DLC1: variants seen among roughly 807,000 people sequenced by gnomAD.
DLC1 encodes rho GTPase-activating protein 7.
Under a neutral mutation model 140.3 loss-of-function variants are expected in DLC1, and 54 were observed. That is an observed-to-expected ratio of 0.38 (90% CI 0.31 to 0.48). The LOEUF is 0.48. Ranked by LOEUF, DLC1 falls within the 20% of genes least tolerant of loss-of-function variation. DLC1 has a pLI of 0.96. For missense variants in DLC1, 2,536 were observed against 1,907.0 expected (o/e 1.33, Z -6.14); for synonymous variants, 986 against 728.1 (o/e 1.35, Z -5.70).
At chr8:13,442,982 A>G (rs1798595461) in intron 2 of DLC1, among the ~76,000 whole-genome samples, 1 of 152,218 alleles carries the variant, frequency 6.6e-6, no homozygotes, top group South Asian at 2.1e-4. Context: ...AGACTGGATT[A>G]AGAAAATGTG....
chr8:13,398,072 C>T (rs1332787246), intron 3 of DLC1, among the ~76,000 whole-genome samples: 6 of 151,612 alleles, frequency 4.0e-5, no homozygotes, highest in Admixed American at 1.3e-4. Flanking sequence ...CAGAGGTTGC[C>T]GTGAGCCTAG....
At chr8:13,505,559 A>T (rs1802020573) in intron 1 of DLC1, among the ~76,000 whole-genome samples, 1 of 152,206 alleles carries the variant, frequency 6.6e-6, no homozygotes, top group Non-Finnish European at 1.5e-5. Flanking sequence ...CATAAACACG[A>T]CTGCAGTTCT....
intron 2 of DLC1, among the ~76,000 whole-genome samples, chr8:13,467,235 T>C (rs7814876): frequency 0.81 from 123,422 of 152,136 alleles, 51,530 homozygotes; most frequent in Middle Eastern, 0.94. Context: ...GAGGGCTTAC[T>C]TAGTAGACAA....
intron 5 of DLC1, among the ~76,000 whole-genome samples, chr8:13,229,292 C>T (rs923188612): frequency 8.5e-5 from 13 of 152,120 alleles, no homozygotes; most frequent in Admixed American, 7.2e-4. Context: ...TACAACATTA[C>T]GAACCTTGTA....
chr8:13,579,438 TTATATTTTATATTATATATTTAATAC>T (rs1563454250), intron 1 of DLC1, among the ~76,000 whole-genome samples: 5 of 20,754 alleles, frequency 2.4e-4, no homozygotes, highest in African/African-American at 5.4e-4. Context: ...ATTTAATACA[TTATATTTTATATTATATATTTAATAC>T]ATTATATTTT....
intron 5 of DLC1, among the ~76,000 whole-genome samples, chr8:13,132,177 C>T (rs191822574): frequency 6.6e-6 from 1 of 150,642 alleles, no homozygotes; most frequent in East Asian, 2.0e-4. Flanking sequence ...CACGATTCAG[C>T]GACCCATCTC....
chr8:13,305,805 C>G (rs1832394415), intron 4 of DLC1, among the ~76,000 whole-genome samples: 2 of 152,160 alleles, frequency 1.3e-5, no homozygotes, highest in African/African-American at 4.8e-5. Context: ...GCTACAGACT[C>G]CAGCCTGGGC....
intron 5 of DLC1, among the ~76,000 whole-genome samples, chr8:13,153,346 G>A (rs1453143441): frequency 1.3e-5 from 2 of 152,208 alleles, no homozygotes; most frequent in Admixed American, 1.3e-4. Context: ...CTCTCCGTGA[G>A]TTTGCGATCT....
intron 2 of DLC1, among the ~76,000 whole-genome samples, chr8:13,408,816 T>C (rs1837671106): frequency 6.6e-6 from 1 of 152,180 alleles, no homozygotes; most frequent in African/African-American, 2.4e-5. Context: ...TTTACAATAC[T>C]TAGTAACTCT....
At chr8:13,487,880 CTT>C (rs1175816084) in intron 2 of DLC1, among the ~76,000 whole-genome samples, 3 of 152,150 alleles carry the variant, frequency 2.0e-5, no homozygotes, top group Non-Finnish European at 4.4e-5. Context: ...CTGAAAATCT[CTT>C]GTTTTACACT....
chr8:13,480,313 A>G (rs1300230819), intron 2 of DLC1, among the ~76,000 whole-genome samples: 5 of 152,252 alleles, frequency 3.3e-5, no homozygotes, highest in African/African-American at 9.6e-5. Context: ...TATGTAAACC[A>G]GAAAAATAAG....
At chr8:13,479,996 G>T (rs1375007478) in intron 2 of DLC1, among the ~76,000 whole-genome samples, 2 of 151,562 alleles carry the variant, frequency 1.3e-5, no homozygotes, top group African/African-American at 2.4e-5. Context: ...GGCCCAGGAG[G>T]TGGGGGCTGC....
chr8:13,521,910 T>G (rs1802778649), intron 1 of DLC1, among the ~76,000 whole-genome samples: 1 of 152,218 alleles, frequency 6.6e-6, no homozygotes, highest in Non-Finnish European at 1.5e-5. Flanking sequence ...ATAACACCAG[T>G]CTGTGTATTG....
chr8:13,123,116 GA>G (rs1821242950), intron 5 of DLC1, among the ~76,000 whole-genome samples: 1 of 152,140 alleles, frequency 6.6e-6, no homozygotes, highest in Non-Finnish European at 1.5e-5. Flanking sequence ...ACTTAGAAAC[GA>G]ACTGGTTTCC....
chr8:13,492,554 CCT>C (rs10581782), intron 2 of DLC1, among the ~76,000 whole-genome samples: 127,530 of 150,888 alleles, frequency 0.85, 54,793 homozygotes, highest in Non-Finnish European at 0.94. Context: ...ACTACTCTCT[CCT>C]CTCTCAGTGC....
chr8:13,331,189 C>T (rs968504075), intron 4 of DLC1, among the ~76,000 whole-genome samples: 1 of 152,180 alleles, frequency 6.6e-6, no homozygotes, highest in Non-Finnish European at 1.5e-5. Context: ...GGTTTGTAAA[C>T]AAGCCCAAAC....
chr8:13,188,799 G>GTGTATATATATATATATATATATATATA (rs1826543328), intron 5 of DLC1, among the ~76,000 whole-genome samples: 59 of 79,536 alleles, frequency 7.4e-4, no homozygotes, highest in Non-Finnish European at 1.0e-3. Flanking sequence ...GTGTGTGTGT[G>GTGTATATATATATATATATATATATATA]TGTATATATA....
rs565591358 is a variant in DLC1, at chr8:13,396,145, C to T, written c.1174-2452G>A. On this transcript the variant is annotated intron_variant, in intron 3 of 17. Transcript: ENST00000276297. ...TGCGATCTCTGCTCACTGCAAGCTCCGCCTCCTGGGTTCACACCATTCTCC... is the reference window on the plus strand; with the variant it reads ...TGCGATCTCTGCTCACTGCAAGCTCTGCCTCCTGGGTTCACACCATTCTCC... Among the ~76,000 whole-genome samples, 8 of 150,876 alleles carry T rather than the reference C, an allele frequency of 5.3e-5. No homozygotes were observed. In the South Asian group the frequency reaches 1.5e-3, roughly 28 times the overall value.
chr8:13,375,653 A>C (rs1431059459), intron 4 of DLC1, among the ~76,000 whole-genome samples: 1 of 152,266 alleles, frequency 6.6e-6, no homozygotes, highest in South Asian at 2.1e-4. Flanking sequence ...GTCTGTCATA[A>C]ATAGCTCTTA....
Sources: gnomAD v4.1 joint callset for allele counts (sites outside exome capture counted in the v4.1 genomes callset) on GRCh38, gnomAD v4.1.1 for gene constraint, MANE v1.5 for transcripts, NCBI Gene and HGNC (gene_info 2026-07-23, HGNC 2026-07-21) for gene names.